The following OSBPL6 variants were observed in gnomAD, a reference collection of about 807,000 sequenced individuals.
OSBPL6 encodes oxysterol binding protein like 6.
OSBPL6 carries 49 observed loss-of-function variants against 125.8 expected under a neutral mutation model. The ratio of observed to expected loss-of-function variants is 0.39; its 90% confidence interval spans 0.31 to 0.49. OSBPL6 has a LOEUF of 0.49. Ranked by LOEUF, OSBPL6 falls within the 20% of genes least tolerant of loss-of-function variation. The pLI is 0.88. For missense variants in OSBPL6, 986 were observed against 1,135.4 expected (o/e 0.87, Z 1.89); for synonymous variants, 394 against 391.8 (o/e 1.01, Z -0.07).
chr2:178,383,929 C>A (rs1265410880), intron 17 of OSBPL6, 110 bp from the exon 18 acceptor site: 2 of 1,253,336 alleles, frequency 1.6e-6, no homozygotes, highest in African/African-American at 1.5e-5. Context: ...CAACTGTCAT[C>A]AAATCAACAC....
At chr2:178,379,337 AGGG>A (rs1306936768) in intron 15 of OSBPL6, among the ~76,000 whole-genome samples, 19 of 23,876 alleles carry the variant, frequency 8.0e-4, no homozygotes, top group African/African-American at 1.9e-3. Context: ...AAAGGAAGGG[AGGG>A]AGGGAGGGAG....
At position 178,389,160 on chromosome 2, in the gene OSBPL6, A is replaced by G. The variant is rs762364980; in HGVS notation, c.2301+7A>G. 4 of 1,612,820 alleles carry G rather than the reference A, an allele frequency of 2.5e-6. No individual in the cohort carries two copies. Among genetic ancestry groups the G allele is most frequent in the Admixed American group, 1.7e-5 (1 of 60,012 alleles). On this transcript the variant is annotated splice_region_variant and intron_variant, in intron 21 of 24. Coordinates refer to ENST00000190611, the MANE Select transcript of OSBPL6 (RefSeq NM_032523.4). The stretch of plus-strand genomic sequence containing the variant: ...CAAACTCACATTTGTCAAGGTAAAT[A>G]CTATCATACAACAGTAAAGGAAAAT...
intron 3 of OSBPL6, among the ~76,000 whole-genome samples, chr2:178,315,506 A>G (rs1328797927): frequency 6.6e-6 from 1 of 152,174 alleles, no homozygotes; most frequent in Non-Finnish European, 1.5e-5. Flanking sequence ...CTCATTACCC[A>G]CAGATGATTC....
chr2:178,372,260 A>G, intron 14 of OSBPL6, 27 bp downstream of exon 14: 1 of 1,499,206 alleles, frequency 6.7e-7, no homozygotes, highest in South Asian at 1.2e-5. Flanking sequence ...ATAGATGCAG[A>G]GTACCTATTT....
chr2:178,383,164 A>G lies in OSBPL6; in HGVS notation c.1762A>G (p.Met588Val). ...NIGKDLSKVS[M>V]PVELNEPLNT... ...TGGTAAAGACCTGTCTAAAGTCTCT[A>G]TGCCTGTGGAGCTAAACGAGCCGCT... The change falls in exon 17 of 25, where the codon ATG becomes GTG. Residue 588 changes from methionine to valine, a missense_variant. Coordinates refer to ENST00000190611, the MANE Select transcript of OSBPL6 (RefSeq NM_032523.4). The G allele has an allele frequency of 1.2e-6, 2 of 1,614,162 alleles. No homozygotes were observed. Among genetic ancestry groups the G allele is most frequent in the Non-Finnish European group, 1.7e-6 (2 of 1,180,038 alleles).
chr2:178,244,635 GC>G (rs2091425298), intron 1 of OSBPL6, among the ~76,000 whole-genome samples: 1 of 152,194 alleles, frequency 6.6e-6, no homozygotes. Context: ...TGATAGATAT[GC>G]TTTTATAGTT....
At chr2:178,388,948 G>A in intron 20 of OSBPL6, 61 bp from the exon 21 acceptor site, 3 of 1,540,382 alleles carry the variant, frequency 1.9e-6, no homozygotes, top group South Asian at 2.4e-5. Context: ...CTCATTAGCA[G>A]AAACAGTTAT....
intron 1 of OSBPL6, among the ~76,000 whole-genome samples, chr2:178,211,274 A>G (rs2089846554): frequency 6.6e-6 from 1 of 152,234 alleles, no homozygotes; most frequent in Non-Finnish European, 1.5e-5. Context: ...TATCTCAAAA[A>G]CAAACAAACA....
chr2:178,201,659 C>T (rs1423550813), intron 1 of OSBPL6, among the ~76,000 whole-genome samples: 1 of 152,178 alleles, frequency 6.6e-6, no homozygotes, highest in Non-Finnish European at 1.5e-5. Context: ...GAAACTGAGG[C>T]TCTGAGAGGT....
intron 3 of OSBPL6, among the ~76,000 whole-genome samples, chr2:178,316,997 A>G (rs1267211335): frequency 1.3e-5 from 2 of 152,100 alleles, no homozygotes; most frequent in Non-Finnish European, 2.9e-5. Context: ...ATTGAAAAAA[A>G]GCTGAAAGAA....
At chr2:178,194,809 C>T (rs2088761200) in intron 1 of OSBPL6, 135 bp downstream of exon 1, 1 of 152,338 alleles carries the variant, frequency 6.6e-6, no homozygotes, top group African/African-American at 2.4e-5. Flanking sequence ...AGCTTCGGGT[C>T]CCCAGGACAT....
intron 11 of OSBPL6, among the ~76,000 whole-genome samples, chr2:178,348,720 C>T (rs750914462): frequency 3.3e-5 from 5 of 152,116 alleles, no homozygotes; most frequent in Non-Finnish European, 5.9e-5. Context: ...TCTCTTTAAG[C>T]CATTACTGTA....
intron 1 of OSBPL6, among the ~76,000 whole-genome samples, chr2:178,235,605 A>G (rs2153984914): frequency 6.6e-6 from 1 of 151,774 alleles, no homozygotes. Context: ...ATGGGGTTTC[A>G]TCATGTTAGC....
intron 1 of OSBPL6, among the ~76,000 whole-genome samples, chr2:178,237,928 C>T (rs989135585): frequency 6.6e-6 from 1 of 152,212 alleles, no homozygotes; most frequent in African/African-American, 2.4e-5. Flanking sequence ...AATCATCATC[C>T]AGTCAATCCT....
chr2:178,380,008 T>C (rs1694312348), intron 15 of OSBPL6, among the ~76,000 whole-genome samples: 1 of 152,190 alleles, frequency 6.6e-6, no homozygotes, highest in South Asian at 2.1e-4. Context: ...TGTTTTTATG[T>C]ACAAATTCAA....
At chr2:178,215,945 G>A (rs2090077336) in intron 1 of OSBPL6, among the ~76,000 whole-genome samples, 1 of 152,144 alleles carries the variant, frequency 6.6e-6, no homozygotes, top group Non-Finnish European at 1.5e-5. Flanking sequence ...TCATTTATTG[G>A]TTTGGAGGCT....
At chr2:178,198,628 A>AAATAAATAAATG (rs2089052566) in intron 1 of OSBPL6, among the ~76,000 whole-genome samples, 1 of 144,344 alleles carries the variant, frequency 6.9e-6, no homozygotes, top group Admixed American at 6.8e-5. Flanking sequence ...ATAAATAAAT[A>AAATAAATAAATG]AATAAATAAA....
At chr2:178,275,721 G>A (rs944326407) in intron 1 of OSBPL6, among the ~76,000 whole-genome samples, 5 of 118,278 alleles carry the variant, frequency 4.2e-5, no homozygotes, top group African/African-American at 1.1e-4. Context: ...GAAGCCAAAC[G>A]GAGAAAAAAA....
At chr2:178,394,492 A>G in intron 24 of OSBPL6, 57 bp downstream of exon 24, 1 of 1,543,750 alleles carries the variant, frequency 6.5e-7, no homozygotes, top group East Asian at 2.3e-5. Context: ...GCCACAGGCC[A>G]TGAGAAACTC....
Sources: allele counts gnomAD v4.1 joint callset (sites outside exome capture counted in the v4.1 genomes callset), GRCh38; gene constraint gnomAD v4.1.1; transcripts MANE v1.5; gene names NCBI Gene and HGNC (gene_info 2026-07-23, HGNC 2026-07-21).